OR51E2: variants seen among roughly 807,000 people sequenced by gnomAD.
The protein encoded by OR51E2 is olfactory receptor 51E2.
A neutral mutation model predicts 13.7 loss-of-function variants in OR51E2; 14 were observed. The ratio of observed to expected loss-of-function variants is 1.02; its 90% confidence interval spans 0.68 to 1.60. OR51E2 has a LOEUF of 1.60. Among genes scored for constraint, OR51E2 ranks in the 40% most tolerant of loss-of-function variants. OR51E2 has a pLI of 0.00. For missense variants in OR51E2, 483 were observed against 413.8 expected (o/e 1.17, Z -1.45); for synonymous variants, 180 against 157.6 (o/e 1.14, Z -1.07).
chr11:4,694,234 A>G (rs987325838), intron 1 of OR51E2, among the ~76,000 whole-genome samples: 2 of 152,018 alleles, frequency 1.3e-5, no homozygotes, highest in Non-Finnish European at 2.9e-5. Flanking sequence ...CCAAGAGATC[A>G]TAAACAAAAC....
At chr11:4,693,517 C>T (rs185451250) in intron 1 of OR51E2, among the ~76,000 whole-genome samples, 1 of 152,190 alleles carries the variant, frequency 6.6e-6, no homozygotes, top group Admixed American at 6.5e-5. Context: ...GTCAGGAGAT[C>T]GAGACCATCC....
chr11:4,692,053 C>A, intron 1 of OR51E2: 1 of 370,490 alleles, frequency 2.7e-6, no homozygotes, highest in South Asian at 2.1e-5. Context: ...ATATTTCATT[C>A]TTTATGGCAT....
At chr11:4,687,830 G>A (rs1847533140) in intron 1 of OR51E2, among the ~76,000 whole-genome samples, 1 of 152,172 alleles carries the variant, frequency 6.6e-6, no homozygotes, top group South Asian at 2.1e-4. Flanking sequence ...GAGAGGTCAG[G>A]AAAAGTCCCT....
chr11:4,691,598 GA>G (rs779641712), intron 1 of OR51E2: 60 of 455,686 alleles, frequency 1.3e-4, no homozygotes, highest in Non-Finnish European at 1.8e-5. Context: ...TTACAGAGAG[GA>G]AGCAGAAGGG....
chr11:4,685,708 T>A (rs1847506878), intron 1 of OR51E2: 1 of 152,174 alleles, frequency 6.6e-6, no homozygotes, highest in African/African-American at 2.4e-5. Flanking sequence ...TTCCGACTGT[T>A]TATTCACATT....
At chr11:4,682,828 G>A (rs765901605) in intron 1 of OR51E2, 67 bp from the exon 2 acceptor site, 298 of 1,129,462 alleles carry the variant, frequency 2.6e-4, no homozygotes, top group Middle Eastern at 6.1e-4. Flanking sequence ...CACCCCTTTT[G>A]TCTTCTCCCA....
At chr11:4,683,931 T>C (rs555671623) in intron 1 of OR51E2, among the ~76,000 whole-genome samples, 3 of 152,358 alleles carry the variant, frequency 2.0e-5, no homozygotes, top group Non-Finnish European at 4.4e-5. Flanking sequence ...TCATTGATCA[T>C]CTGTTTCATT....
chr11:4,685,285 ACC>A, intron 1 of OR51E2, among the ~76,000 whole-genome samples: 1 of 152,158 alleles, frequency 6.6e-6, no homozygotes. Context: ...ACCTCAAAGC[ACC>A]CACTGCCTCT....
intron 1 of OR51E2, among the ~76,000 whole-genome samples, chr11:4,695,759 G>A (rs1473493678): frequency 7.1e-6 from 1 of 141,580 alleles, no homozygotes; most frequent in African/African-American, 2.6e-5. Flanking sequence ...TAGCTTCAGT[G>A]ATGGTTATTC....
intron 1 of OR51E2, among the ~76,000 whole-genome samples, chr11:4,687,048 T>A (rs547500541): frequency 3.1e-4 from 47 of 152,212 alleles, no homozygotes; most frequent in Non-Finnish European, 6.6e-4. Flanking sequence ...AGTATCTCCA[T>A]CCTTTTCCTT....
chr11:4,693,224 T>C (rs539219212), intron 1 of OR51E2, among the ~76,000 whole-genome samples: 2 of 152,266 alleles, frequency 1.3e-5, no homozygotes, highest in South Asian at 4.1e-4. Flanking sequence ...CACAAATATA[T>C]ACCATATTAT....
At chr11:4,694,966 C>T (rs746564958) in intron 1 of OR51E2, among the ~76,000 whole-genome samples, 3 of 151,874 alleles carry the variant, frequency 2.0e-5, no homozygotes, top group Non-Finnish European at 4.4e-5. Context: ...TTTGCAGTGC[C>T]GTTGATAAAA....
At chr11:4,688,352 C>A (rs769473004) in intron 1 of OR51E2, among the ~76,000 whole-genome samples, 23 of 151,914 alleles carry the variant, frequency 1.5e-4, no homozygotes, top group Non-Finnish European at 1.6e-4. Flanking sequence ...CTCTGGAGGA[C>A]GAACATTCCA....
chr11:4,683,967 C>T (rs1047247614), intron 1 of OR51E2, among the ~76,000 whole-genome samples: 8 of 152,222 alleles, frequency 5.3e-5, no homozygotes, highest in African/African-American at 1.9e-4. Flanking sequence ...GCTTATATTG[C>T]ACTCCCCCAA....
Position 4,686,193 on chromosome 11 carries a change from C to T in OR51E2, c.-50-3432G>A, listed in dbSNP as rs1006258655. 3.3e-5 allele frequency among the ~76,000 whole-genome samples: 5 copies of T among 152,232 alleles called. No homozygotes were observed. In the South Asian group the frequency reaches 8.3e-4, roughly 25 times the overall value. ...GTCATACACACCTACCCAAACAAAC[C>T]TGAAATGGTATGAAAGAGCAGTGAA... is the stretch of plus-strand genomic sequence containing the variant. On this transcript the variant is annotated intron_variant, in intron 1 of 1. Transcript: ENST00000396950.
chr11:4,690,635 T>A (rs947240300), intron 1 of OR51E2: 9 of 303,260 alleles, frequency 3.0e-5, no homozygotes, highest in African/African-American at 1.8e-4. Flanking sequence ...GCTTTAACTT[T>A]AAATGATTAT....
At chr11:4,684,641 C>A (rs1341381588) in intron 1 of OR51E2, among the ~76,000 whole-genome samples, 1 of 152,154 alleles carries the variant, frequency 6.6e-6, no homozygotes, top group South Asian at 2.1e-4. Flanking sequence ...TTATTGGACC[C>A]AGAGCTGGGT....
chr11:4,693,524 A>G (rs1390787841), intron 1 of OR51E2, among the ~76,000 whole-genome samples: 2 of 152,158 alleles, frequency 1.3e-5, no homozygotes, highest in East Asian at 1.9e-4. Context: ...GATCGAGACC[A>G]TCCTGGCTAA....
chr11:4,696,408 C>T (rs991350997), intron 1 of OR51E2, among the ~76,000 whole-genome samples: 1 of 152,056 alleles, frequency 6.6e-6, no homozygotes, highest in African/African-American at 2.4e-5. Context: ...TCTCTCATCC[C>T]TTACATATAA....
Sources: allele counts gnomAD v4.1 joint callset (sites outside exome capture counted in the v4.1 genomes callset), GRCh38; gene constraint gnomAD v4.1.1; transcripts MANE v1.5; gene names NCBI Gene and HGNC (gene_info 2026-07-23, HGNC 2026-07-21).